Variants in FAM24B observed in about 807,000 individuals in gnomAD.
FAM24B encodes protein FAM24B.
FAM24B carries 3 observed loss-of-function variants against 2.3 expected under a neutral mutation model. The ratio of observed to expected loss-of-function variants is 1.29; its 90% CI spans 0.59 to 3.32. The LOEUF is 3.32. FAM24B is among the 30% of genes most tolerant of loss of function. The probability of loss-of-function intolerance (pLI) is 0.03; values close to 1 mark genes in which losing one functional copy is unlikely to be tolerated. For missense variants in FAM24B, 98 were observed against 117.2 expected, an observed-to-expected ratio of 0.84 and a Z score of 0.76; for synonymous variants, 36 against 46.3, an observed-to-expected ratio of 0.78 and a Z score of 0.90.
intron 1 of FAM24B, among the ~76,000 whole-genome samples, chr10:122,872,800 G>A (rs1342106525): frequency 6.6e-6 from 1 of 152,090 alleles, no homozygotes; most frequent in Non-Finnish European, 1.5e-5. Context: ...GTGGGAGGAG[G>A]GGGGACGGAT....
chr10:122,868,816 C>G (rs1021881452), intron 1 of FAM24B, among the ~76,000 whole-genome samples: 1 of 152,194 alleles, frequency 6.6e-6, no homozygotes, highest in African/African-American at 2.4e-5. Flanking sequence ...CTGGTACCAG[C>G]CATTACAAAA....
intron 1 of FAM24B, among the ~76,000 whole-genome samples, chr10:122,873,818 A>G (rs1847937845): frequency 6.6e-6 from 1 of 152,144 alleles, no homozygotes; most frequent in Admixed American, 6.5e-5. Flanking sequence ...GATGAATTGT[A>G]TTTTCACTTT....
rs960209059 is a variant in FAM24B, at chr10:122,849,397, G to A, written c.135C>T (p.Asn45=). 8 of 1,612,196 alleles carry A rather than the reference G, an allele frequency of 5.0e-6. No homozygotes were observed. Among genetic ancestry groups the A allele is most frequent in the Non-Finnish European group, 6.8e-6 (8 of 1,179,332 alleles). The change falls in exon 4 of 4, where the codon AAC becomes AAT. Residue 45 remains asparagine, a synonymous_variant. Transcript: ENST00000368898. ...TCTTGGCCCACCACACCTTGTCTGG[G>A]TTGTGATTTTTTACAGCCACAGCTT... ...EPEAVAVKNH[N]PDKVWWAKNS...
intron 1 of FAM24B, 23 bp downstream of exon 1, chr10:122,879,462 T>G (rs543067457): frequency 6.6e-6 from 1 of 152,396 alleles, no homozygotes; most frequent in Admixed American, 6.5e-5. Flanking sequence ...GCACATCGCG[T>G]AGAGCGAAGA....
intron 1 of FAM24B, among the ~76,000 whole-genome samples, chr10:122,856,560 C>T (rs1414225924): frequency 6.6e-6 from 1 of 152,146 alleles, no homozygotes; most frequent in African/African-American, 2.4e-5. Flanking sequence ...TGAGAACGGC[C>T]TTTGACACTG....
intron 1 of FAM24B, among the ~76,000 whole-genome samples, chr10:122,875,653 C>T (rs1400703667): frequency 6.6e-6 from 1 of 152,064 alleles, no homozygotes; most frequent in East Asian, 1.9e-4. Context: ...TCCACATTGT[C>T]ATTGTCTTTG....
chr10:122,853,435 C>T (rs1462018952), intron 2 of FAM24B, among the ~76,000 whole-genome samples: 1 of 152,212 alleles, frequency 6.6e-6, no homozygotes, highest in Non-Finnish European at 1.5e-5. Flanking sequence ...ATGGCCCTCC[C>T]TGTCCCTCGC....
At chr10:122,864,278 T>C (rs1216082363) in intron 1 of FAM24B, among the ~76,000 whole-genome samples, 2 of 152,214 alleles carry the variant, frequency 1.3e-5, no homozygotes, top group African/African-American at 4.8e-5. Flanking sequence ...TCTTCATACT[T>C]CCACAGTTAC....
chr10:122,870,577 G>A (rs1452397003), intron 1 of FAM24B, among the ~76,000 whole-genome samples: 3 of 152,134 alleles, frequency 2.0e-5, no homozygotes, highest in African/African-American at 7.2e-5. Context: ...ACATCAAAAA[G>A]CTTATCCACC....
chr10:122,879,039 A>C (rs866869855), intron 1 of FAM24B, among the ~76,000 whole-genome samples: 1 of 152,182 alleles, frequency 6.6e-6, no homozygotes, highest in South Asian at 2.1e-4. Flanking sequence ...TGGAGTACAA[A>C]AGGAAGAAAG....
intron 1 of FAM24B, among the ~76,000 whole-genome samples, chr10:122,860,744 C>T (rs1296475388): frequency 3.3e-5 from 5 of 152,152 alleles, no homozygotes; most frequent in African/African-American, 1.2e-4. Flanking sequence ...TGGTATCTGG[C>T]TGTTATTATT....
intron 1 of FAM24B, among the ~76,000 whole-genome samples, chr10:122,872,160 A>T (rs184137690): frequency 3.0e-4 from 46 of 152,380 alleles, no homozygotes; most frequent in Admixed American, 1.5e-3. Flanking sequence ...GAAGATATTT[A>T]TGCAGCCAAA....
At chr10:122,855,192 T>C (rs1362804078) in intron 2 of FAM24B, 2 of 152,216 alleles carry the variant, frequency 1.3e-5, no homozygotes, top group African/African-American at 4.8e-5. Context: ...CAATATGCAA[T>C]CGGATTTTAT....
chr10:122,863,586 C>T (rs571255233), intron 1 of FAM24B, among the ~76,000 whole-genome samples: 2 of 152,264 alleles, frequency 1.3e-5, no homozygotes, highest in Admixed American at 6.5e-5. Context: ...CCATATGTCC[C>T]TCTCCCCTGC....
At chr10:122,857,474 T>A (rs1233839853) in intron 1 of FAM24B, among the ~76,000 whole-genome samples, 3 of 152,248 alleles carry the variant, frequency 2.0e-5, no homozygotes, top group Non-Finnish European at 4.4e-5. Context: ...ATTACATAAG[T>A]CAGTCTTTAA....
intron 1 of FAM24B, among the ~76,000 whole-genome samples, chr10:122,858,564 AAG>A (rs1302793686): frequency 2.0e-5 from 3 of 152,088 alleles, no homozygotes; most frequent in Non-Finnish European, 2.9e-5. Flanking sequence ...ATAAAAAAAA[AAG>A]AGTGTCACTG....
In FAM24B at chr10:122,871,286, A is replaced by G. The variant is rs558450926; in HGVS notation, c.-178+8199T>C. Among the ~76,000 whole-genome samples, 1,418 of 152,256 alleles carry G rather than the reference A, an allele frequency of 9.3e-3. 15 individuals are homozygous for G. Among genetic ancestry groups the G allele is most frequent in the Non-Finnish European group, 0.016 (1,115 of 68,024 alleles). Reference sequence around the variant, plus strand: ...AAACCACTGCTCAATGAAATAAAAGAGGATACAAACAAATGGAAGAACATT... The same window carrying G: ...AAACCACTGCTCAATGAAATAAAAGGGGATACAAACAAATGGAAGAACATT... On this transcript the variant is annotated intron_variant, in intron 1 of 3. Coordinates refer to ENST00000368898, the MANE Select transcript of FAM24B (RefSeq NM_152644.3).
intron 1 of FAM24B, among the ~76,000 whole-genome samples, chr10:122,862,971 C>A (rs1471207735): frequency 1.3e-5 from 2 of 151,886 alleles, no homozygotes; most frequent in South Asian, 4.2e-4. Flanking sequence ...GAAGGGCCAG[C>A]TTGGGAGGGG....
chr10:122,858,962 C>A (rs1345037584), intron 1 of FAM24B, among the ~76,000 whole-genome samples: 2 of 152,082 alleles, frequency 1.3e-5, no homozygotes, highest in African/African-American at 4.8e-5. Context: ...ATGCTTTTTT[C>A]TTCTTGCAGA....
Sources: gnomAD v4.1 joint callset for allele counts (sites outside exome capture counted in the v4.1 genomes callset) on GRCh38, gnomAD v4.1.1 for gene constraint, MANE v1.5 for transcripts, NCBI Gene and HGNC (gene_info 2026-07-23, HGNC 2026-07-21) for gene names.